HTR1F: variants seen among roughly 807,000 people sequenced by gnomAD.
HTR1F encodes the protein 5-hydroxytryptamine (serotonin) receptor 1F, G protein-coupled.
HTR1F carries 17 observed loss-of-function variants against 24.0 expected under a neutral mutation model. That is an observed-to-expected ratio of 0.71 (90% CI 0.48 to 1.06). HTR1F has a LOEUF of 1.06. HTR1F is among the 50% of genes least tolerant of loss of function. The probability of loss-of-function intolerance (pLI) is 0.00; values close to 1 mark genes in which losing one functional copy is unlikely to be tolerated. For missense variants in HTR1F, 391 were observed against 427.8 expected, an observed-to-expected ratio of 0.91 and a Z score of 0.76; for synonymous variants, 186 against 156.8, an observed-to-expected ratio of 1.19 and a Z score of -1.39.
chr3:87,938,861 C>T (rs1262230688), intron 2 of HTR1F, among the ~76,000 whole-genome samples: 1 of 152,232 alleles, frequency 6.6e-6, no homozygotes, highest in African/African-American at 2.4e-5. Context: ...CCAATATTAT[C>T]CTAGACATAG....
chr3:87,880,922 A>G (rs1302584682), intron 2 of HTR1F, among the ~76,000 whole-genome samples: 1 of 152,218 alleles, frequency 6.6e-6, no homozygotes, highest in Non-Finnish European at 1.5e-5. Context: ...GTATGAGAAC[A>G]TATTTTATAA....
At chr3:87,872,158 A>G (rs1705572405) in intron 2 of HTR1F, among the ~76,000 whole-genome samples, 2 of 152,174 alleles carry the variant, frequency 1.3e-5, no homozygotes, top group East Asian at 1.9e-4. Flanking sequence ...TGAACAACCA[A>G]TAAGTCAAAG....
intron 2 of HTR1F, among the ~76,000 whole-genome samples, chr3:87,921,383 T>C (rs1041545533): frequency 2.6e-5 from 4 of 152,008 alleles, no homozygotes; most frequent in Non-Finnish European, 4.4e-5. Context: ...GTATAGTTTA[T>C]GTGCAAGGCA....
chr3:87,932,862 C>T, intron 2 of HTR1F, among the ~76,000 whole-genome samples: 1 of 151,706 alleles, frequency 6.6e-6, no homozygotes, highest in Non-Finnish European at 1.5e-5. Flanking sequence ...ATGAGGCCAG[C>T]ATCATCCTGA....
intron 2 of HTR1F, among the ~76,000 whole-genome samples, chr3:87,934,261 C>T (rs763272941): frequency 1.0e-3 from 152 of 152,152 alleles, no homozygotes; most frequent in Non-Finnish European, 3.2e-4. Flanking sequence ...TTAACACATG[C>T]TAAGAGTTTA....
intron 1 of HTR1F, among the ~76,000 whole-genome samples, chr3:87,809,678 C>G (rs1704128988): frequency 6.6e-6 from 1 of 152,034 alleles, no homozygotes; most frequent in African/African-American, 2.4e-5. Flanking sequence ...AAGTCTCCCT[C>G]TATAATCACA....
At chr3:87,912,177 G>T (rs1703792496) in intron 2 of HTR1F, among the ~76,000 whole-genome samples, 1 of 151,568 alleles carries the variant, frequency 6.6e-6, no homozygotes, top group African/African-American at 2.4e-5. Context: ...CATAGTCTAA[G>T]CACAAAAGCT....
chr3:87,820,316 A>G (rs1575906516), intron 1 of HTR1F, among the ~76,000 whole-genome samples: 1 of 150,542 alleles, frequency 6.6e-6, no homozygotes. Context: ...AGCTGGGACT[A>G]CAGGCGCCCG....
chr3:87,953,790 C>T (rs1439922603), intron 2 of HTR1F, among the ~76,000 whole-genome samples: 1 of 151,652 alleles, frequency 6.6e-6, no homozygotes, highest in Admixed American at 6.6e-5. Flanking sequence ...AACCTAAGTG[C>T]CCATCGATGG....
At chr3:87,949,963 G>C (rs1576079445) in intron 2 of HTR1F, among the ~76,000 whole-genome samples, 1 of 152,138 alleles carries the variant, frequency 6.6e-6, no homozygotes, top group Admixed American at 6.5e-5. Context: ...AGCATGGGCT[G>C]GTATCTGCTC....
Position 87,992,462 on chromosome 3 carries a change from AG to A in HTR1F, c.*613del, listed in dbSNP as rs1705858611. 1.2e-5 allele frequency: 2 copies of A among 167,078 alleles called. No homozygotes were observed. The highest frequency in any genetic ancestry group is 2.9e-5 in the Non-Finnish European group (2 of 68,102). 10.3% of individuals were successfully genotyped at this position (167,078 alleles called of 1,614,324 possible). A position where few individuals can be genotyped will look rare whatever the true frequency, so the allele number is the denominator to read the frequency against. On this transcript the variant is annotated 3_prime_UTR_variant, in exon 3 of 3. Coordinates refer to ENST00000319595, the MANE Select transcript of HTR1F (RefSeq NM_001322209.2). ...AGTAATCATAAAGTGGGTTAGGTACAGCAAAATAATTCAATACTGAACTTGT... is the reference window on the plus strand; with the variant it reads ...AGTAATCATAAAGTGGGTTAGGTACACAAAATAATTCAATACTGAACTTGT...
intron 1 of HTR1F, among the ~76,000 whole-genome samples, chr3:87,812,362 A>G (rs1474189356): frequency 6.6e-6 from 1 of 152,114 alleles, no homozygotes; most frequent in Admixed American, 6.6e-5. Flanking sequence ...GAGATGAGGA[A>G]CTTCTTGGGA....
intron 2 of HTR1F, among the ~76,000 whole-genome samples, chr3:87,826,550 C>T (rs1273190457): frequency 2.6e-5 from 4 of 152,142 alleles, no homozygotes; most frequent in Admixed American, 2.6e-4. Flanking sequence ...ATCCCGTAAA[C>T]GCCCATTATT....
chr3:87,799,265 T>A (rs1703956533), intron 1 of HTR1F, among the ~76,000 whole-genome samples: 1 of 152,210 alleles, frequency 6.6e-6, no homozygotes, highest in African/African-American at 2.4e-5. Context: ...CATTACCCAA[T>A]AATAGTCCCC....
At chr3:87,850,316 G>A (rs1000084321) in intron 2 of HTR1F, among the ~76,000 whole-genome samples, 1 of 152,012 alleles carries the variant, frequency 6.6e-6, no homozygotes, top group Non-Finnish European at 1.5e-5. Flanking sequence ...TAGGGACATG[G>A]ATGAAGCCGG....
chr3:87,981,743 G>A (rs772109345), intron 2 of HTR1F, among the ~76,000 whole-genome samples: 1 of 152,154 alleles, frequency 6.6e-6, no homozygotes, highest in African/African-American at 2.4e-5. Context: ...CATAGCAGGT[G>A]CTCCTGTAGC....
chr3:87,918,312 G>C (rs1421224263), intron 2 of HTR1F, among the ~76,000 whole-genome samples: 1 of 152,002 alleles, frequency 6.6e-6, no homozygotes, highest in Non-Finnish European at 1.5e-5. Context: ...ACTGGAAGAA[G>C]ACAAGGATGT....
intron 2 of HTR1F, among the ~76,000 whole-genome samples, chr3:87,906,803 A>C (rs1319551883): frequency 2.6e-5 from 4 of 151,908 alleles, no homozygotes; most frequent in South Asian, 4.2e-4. Context: ...TTGGTTTTTC[A>C]TTCCTGAGTT....
intron 2 of HTR1F, among the ~76,000 whole-genome samples, chr3:87,986,373 A>C (rs1705661910): frequency 6.6e-6 from 1 of 152,248 alleles, no homozygotes; most frequent in African/African-American, 2.4e-5. Context: ...AAGATTAATT[A>C]CAGTTCTAAA....
Sources: allele counts gnomAD v4.1 joint callset (sites outside exome capture counted in the v4.1 genomes callset), GRCh38; gene constraint gnomAD v4.1.1; transcripts MANE v1.5; gene names NCBI Gene and HGNC (gene_info 2026-07-23, HGNC 2026-07-21).